The following CEP128 variants were observed in gnomAD, a reference collection of about 807,000 sequenced individuals.
CEP128 encodes the protein centrosomal protein 128, also known as centrosomal protein 128kDa.
A neutral mutation model predicts 156.7 loss-of-function variants in CEP128; 132 were observed. The observed-to-expected ratio is 0.84, with a 90% CI of 0.73 to 0.97. CEP128 has a LOEUF of 0.97. Among genes scored for constraint, CEP128 ranks in the 50% least tolerant of loss-of-function variants. CEP128 has a pLI of 0.00. For missense variants in CEP128, 1,252 were observed against 1,281.9 expected, an observed-to-expected ratio of 0.98 and a Z score of 0.36; for synonymous variants, 469 against 448.9, an observed-to-expected ratio of 1.04 and a Z score of -0.57.
intron 19 of CEP128, among the ~76,000 whole-genome samples, chr14:80,694,465 G>A (rs183419625): frequency 5.0e-4 from 76 of 152,212 alleles, no homozygotes; most frequent in African/African-American, 1.6e-3. Flanking sequence ...GTTTACTGCA[G>A]CACTATTTAC....
At chr14:80,511,405 T>A (rs1397517889) in intron 23 of CEP128, among the ~76,000 whole-genome samples, 1 of 152,028 alleles carries the variant, frequency 6.6e-6, no homozygotes, top group Admixed American at 6.6e-5. Context: ...TAATTACTCA[T>A]TGAAGTCTCT....
chr14:80,712,933 A>G (rs1273622780), intron 19 of CEP128, among the ~76,000 whole-genome samples: 2 of 152,128 alleles, frequency 1.3e-5, no homozygotes, highest in Non-Finnish European at 2.9e-5. Flanking sequence ...ACTAACTCTA[A>G]TCTGTAAAAT....
chr14:80,758,758 A>G lies in CEP128; in HGVS notation c.2554-1807T>C, dbSNP rs184110208. On this transcript the variant is annotated intron_variant, in intron 17 of 24. Transcript: ENST00000555265. Reference sequence around the variant, plus strand: ...AGGCAATACAAAATAATGATAGGTAACATTACTTGAGTATCCACTAAGCGC... The same window carrying G: ...AGGCAATACAAAATAATGATAGGTAGCATTACTTGAGTATCCACTAAGCGC... 1.5e-3 allele frequency among the ~76,000 whole-genome samples: 226 copies of G among 152,324 alleles called. 2 individuals carry two copies. The highest frequency in any genetic ancestry group is 2.3e-3 in the Non-Finnish European group (158 of 68,030).
chr14:80,606,789 G>C (rs1005474581), intron 19 of CEP128, among the ~76,000 whole-genome samples: 3 of 151,948 alleles, frequency 2.0e-5, no homozygotes, highest in South Asian at 2.1e-4. Context: ...TGTGTGTAGA[G>C]AGCAGAAAAG....
At chr14:80,513,665 AG>A (rs561623269) in intron 23 of CEP128, among the ~76,000 whole-genome samples, 80 of 152,294 alleles carry the variant, frequency 5.3e-4, no homozygotes, top group African/African-American at 1.9e-3. Flanking sequence ...TTCCTGTCTA[AG>A]GGGTCTGGAG....
chr14:80,629,929 T>C (rs1893895192), intron 19 of CEP128, among the ~76,000 whole-genome samples: 1 of 152,012 alleles, frequency 6.6e-6, no homozygotes, highest in Non-Finnish European at 1.5e-5. Context: ...ATATAAGTCA[T>C]GTGGTTTGCT....
intron 19 of CEP128, among the ~76,000 whole-genome samples, chr14:80,638,904 A>G (rs1894299490): frequency 6.6e-6 from 1 of 152,222 alleles, no homozygotes; most frequent in Admixed American, 6.5e-5. Flanking sequence ...TCAATGACTC[A>G]TTACGAAACC....
At chr14:80,831,053 A>G (rs749566746) in intron 13 of CEP128, 90 bp downstream of exon 13, 11 of 1,158,914 alleles carry the variant, frequency 9.5e-6, no homozygotes, top group African/African-American at 1.5e-5. Flanking sequence ...AGTTCATAAA[A>G]TAACACATCT....
chr14:80,952,810 CAG>C (rs1477963216), intron 2 of CEP128, among the ~76,000 whole-genome samples: 1 of 151,976 alleles, frequency 6.6e-6, no homozygotes. Context: ...TCAGGTATGA[CAG>C]AGTTGACATC....
At chr14:80,714,865 C>T (rs555058407) in intron 19 of CEP128, among the ~76,000 whole-genome samples, 1 of 152,162 alleles carries the variant, frequency 6.6e-6, no homozygotes, top group East Asian at 1.9e-4. Context: ...AAAGCAATTT[C>T]CACCCTAAAC....
intron 21 of CEP128, among the ~76,000 whole-genome samples, chr14:80,549,714 G>T (rs1890134011): frequency 6.6e-6 from 1 of 152,126 alleles, no homozygotes; most frequent in Non-Finnish European, 1.5e-5. Context: ...ACTCATTTGG[G>T]TCTATATATT....
rs995479153 is a variant in CEP128, at chr14:80,792,770, T to C, written c.1550A>G (p.Lys517Arg). Residue 517 changes from lysine to arginine, a missense_variant, in exon 14 of 25, where the codon AAG becomes AGG. Transcript: ENST00000555265. ...ATGTGGCTTTTATACCTGATTATTCTTGCCTGTCAGTTCATCAACAGTTTC... is the reference window on the plus strand; with the variant it reads ...ATGTGGCTTTTATACCTGATTATTCCTGCCTGTCAGTTCATCAACAGTTTC... ...QSETVDELTG[K>R]NNQILKEKDE... 6.2e-7 allele frequency: 1 copy of C among 1,613,560 alleles called. No homozygotes were observed. Among genetic ancestry groups the C allele is most frequent in the Non-Finnish European group, 8.5e-7 (1 of 1,179,530 alleles).
chr14:80,643,243 A>G (rs1307785414), intron 19 of CEP128, among the ~76,000 whole-genome samples: 1 of 152,192 alleles, frequency 6.6e-6, no homozygotes, highest in Non-Finnish European at 1.5e-5. Flanking sequence ...AAAGAATGCC[A>G]TGTGGTTCCT....
chr14:80,477,177 T>G (rs1218666410), exon 15 of CEP128: 1 of 152,100 alleles, frequency 6.6e-6, no homozygotes, highest in Non-Finnish European at 1.5e-5. Flanking sequence ...AACTAGGACC[T>G]AAAATAATGT....
At position 80,914,217 on chromosome 14, in the gene CEP128, G is replaced by T. The variant is rs1049136221; in HGVS notation, c.234+105C>A. The T allele has an allele frequency of 1.5e-5, 11 of 750,920 alleles. No individual in the cohort carries two copies. In the African/African-American group the frequency reaches 1.8e-4, roughly 12 times the overall value. The allele number at this position is 750,920 out of a possible 1,614,324, so 46.5% of individuals were successfully genotyped here. The stretch of plus-strand genomic sequence containing the variant: ...ATAATAAATCAGTTTAAAATCTAAA[G>T]CACTTCACAATGGTTTTTTCCTTTA... On this transcript the variant is annotated intron_variant, in intron 4 of 24. Transcript: ENST00000555265.
At chr14:80,562,210 G>T (rs1890714552) in intron 20 of CEP128, among the ~76,000 whole-genome samples, 1 of 151,992 alleles carries the variant, frequency 6.6e-6, no homozygotes, top group Non-Finnish European at 1.5e-5. Context: ...AAATATATTT[G>T]AATCCACTTT....
At chr14:80,914,299 T>C in intron 4 of CEP128, 23 bp downstream of exon 4, 2 of 1,584,204 alleles carry the variant, frequency 1.3e-6, no homozygotes, top group Non-Finnish European at 1.7e-6. Flanking sequence ...TAGGAGAAAA[T>C]GCAAACAAAT....
intron 14 of CEP128, among the ~76,000 whole-genome samples, chr14:80,481,669 G>A (rs1594897206): frequency 1.3e-5 from 2 of 152,222 alleles, no homozygotes; most frequent in South Asian, 4.1e-4. Context: ...AGAGGCATGA[G>A]AGGTGAATGG....
At chr14:80,718,433 C>T (rs761729214) in intron 19 of CEP128, among the ~76,000 whole-genome samples, 1 of 152,118 alleles carries the variant, frequency 6.6e-6, no homozygotes, top group Non-Finnish European at 1.5e-5. Context: ...AAAAAGACAA[C>T]AGTTTTAGTA....
Sources: allele counts gnomAD v4.1 joint callset (sites outside exome capture counted in the v4.1 genomes callset), GRCh38; gene constraint gnomAD v4.1.1; transcripts MANE v1.5; gene names NCBI Gene and HGNC (gene_info 2026-07-23, HGNC 2026-07-21).